ZNF395: variants seen among roughly 807,000 people sequenced by gnomAD.
The protein encoded by ZNF395 is zinc finger protein 395, also known as HD gene regulatory region-binding protein 2.
ZNF395 carries 20 observed loss-of-function variants against 57.7 expected under a neutral mutation model. That is an observed-to-expected ratio of 0.35 (90% CI 0.24 to 0.50). The LOEUF is 0.50. Ranked by LOEUF, ZNF395 falls within the 20% of genes least tolerant of loss-of-function variation. The probability of loss-of-function intolerance (pLI) is 0.97; values close to 1 mark genes in which losing one functional copy is unlikely to be tolerated. For synonymous variants in ZNF395, 295 were observed against 275.9 expected, an observed-to-expected ratio of 1.07 and a Z score of -0.69; for missense variants, 606 against 671.2, an observed-to-expected ratio of 0.90 and a Z score of 1.07.
In ZNF395 at chr8:28,356,294, G is replaced by T. The variant is rs558399630; in HGVS notation, c.583+376C>A. Among the ~76,000 whole-genome samples the T allele has an allele frequency of 9.2e-5, 14 of 152,254 alleles. No individual in the cohort carries two copies. The highest frequency in any genetic ancestry group is 6.8e-3 in the Middle Eastern group (2 of 294). ...TGGAATGAGGGCATGAATTTTCTGA[G>T]GCCACTAGGAGACCATTTAGCATAT... is the stretch of plus-strand genomic sequence containing the variant. On this transcript the variant is annotated intron_variant, in intron 4 of 9. Coordinates refer to ENST00000344423, the MANE Select transcript of ZNF395 (RefSeq NM_018660.3). This position sits in a 1 kb window ranked among gnomAD's most constrained non-coding sequence, Gnocchi z 4.0.
Position 28,346,975 on chromosome 8 carries a change from A to C in ZNF395, c.*1744T>G, listed in dbSNP as rs1159350249. 1 of 151,746 alleles carries C rather than the reference A, an allele frequency of 6.6e-6. No individual in the cohort carries two copies. The allele number at this position is 151,746 out of a possible 1,614,324, so 9.4% of individuals were successfully genotyped here. Reference sequence around the variant, plus strand: ...TTTTTTTACTAAGTTATAAAAAAAAAAACCCCATCACCAAAGACACCTGTG... The same window carrying C: ...TTTTTTTACTAAGTTATAAAAAAAACAACCCCATCACCAAAGACACCTGTG... On this transcript the variant is annotated 3_prime_UTR_variant, in exon 10 of 10. Transcript: ENST00000344423.
At chr8:28,380,277 T>C (rs1802093446) in intron 1 of ZNF395, among the ~76,000 whole-genome samples, 1 of 152,252 alleles carries the variant, frequency 6.6e-6, no homozygotes, top group South Asian at 2.1e-4. Flanking sequence ...CTCAAAACGC[T>C]ACAATTCAAA....
intron 1 of ZNF395, among the ~76,000 whole-genome samples, chr8:28,385,573 G>A (rs1285921362): frequency 3.3e-5 from 5 of 150,390 alleles, no homozygotes; most frequent in East Asian, 3.9e-4. Context: ...TGTCCCGCCC[G>A]TCCCGCAGCC....
intron 4 of ZNF395, among the ~76,000 whole-genome samples, chr8:28,354,128 A>G (rs947263815): frequency 6.6e-6 from 1 of 152,228 alleles, no homozygotes; most frequent in African/African-American, 2.4e-5. Flanking sequence ...AATTCTGGTC[A>G]TCGCAAGGTG....
At chr8:28,376,194 C>T (rs1434535457) in intron 1 of ZNF395, among the ~76,000 whole-genome samples, 1 of 151,580 alleles carries the variant, frequency 6.6e-6, no homozygotes, top group Non-Finnish European at 1.5e-5. Flanking sequence ...GGGCTGGTCT[C>T]GAACTGCTGG....
At chr8:28,365,260 G>A (rs1281884596) in intron 1 of ZNF395, 1 of 152,268 alleles carries the variant, frequency 6.6e-6, no homozygotes, top group Non-Finnish European at 1.5e-5. Flanking sequence ...TCTGCCAACA[G>A]GTGGGTCAAG....
chr8:28,360,762 G>A, intron 2 of ZNF395, 123 bp downstream of exon 2: 2 of 1,371,308 alleles, frequency 1.5e-6, no homozygotes, highest in Non-Finnish European at 1.9e-6. Flanking sequence ...CCCTGTGGCT[G>A]GAGGGCAAAG....
chr8:28,360,118 T>C (rs190095120), intron 2 of ZNF395, among the ~76,000 whole-genome samples: 6 of 152,356 alleles, frequency 3.9e-5, no homozygotes, highest in Non-Finnish European at 8.8e-5. Flanking sequence ...CATCCTGCCT[T>C]CCTTGACCCG....
intron 1 of ZNF395, among the ~76,000 whole-genome samples, chr8:28,375,048 C>T (rs1411782028): frequency 6.6e-6 from 1 of 152,186 alleles, no homozygotes; most frequent in Non-Finnish European, 1.5e-5. Flanking sequence ...AACAGACACG[C>T]ACCCCCTGCC....
intron 2 of ZNF395, among the ~76,000 whole-genome samples, chr8:28,360,116 C>T (rs558085642): frequency 6.6e-6 from 1 of 152,330 alleles, no homozygotes; most frequent in Non-Finnish European, 1.5e-5. Flanking sequence ...ATCATCCTGC[C>T]TTCCTTGACC....
At chr8:28,377,220 A>T (rs1042087459) in intron 1 of ZNF395, among the ~76,000 whole-genome samples, 2 of 152,234 alleles carry the variant, frequency 1.3e-5, no homozygotes, top group South Asian at 4.1e-4. Flanking sequence ...TATGTAAGCT[A>T]TAAGTAATAC....
intron 1 of ZNF395, among the ~76,000 whole-genome samples, chr8:28,383,625 A>G (rs75651030): frequency 0.02 from 3,111 of 152,152 alleles, 111 homozygotes; most frequent in African/African-American, 0.07. Flanking sequence ...GAACCGAGCA[A>G]TGTCATGTGA....
intron 7 of ZNF395, 133 bp from the exon 8 acceptor site, chr8:28,350,289 A>G (rs1281028243): frequency 1.4e-6 from 1 of 739,006 alleles, no homozygotes; most frequent in African/African-American, 1.8e-5. Flanking sequence ...AAGAGCTGGG[A>G]CACACTCGGC....
chr8:28,370,464 G>A (rs143083950), intron 1 of ZNF395, among the ~76,000 whole-genome samples: 2 of 152,182 alleles, frequency 1.3e-5, no homozygotes, highest in African/African-American at 2.4e-5. Context: ...AATGAGTTTC[G>A]AGACGAAAGA....
At chr8:28,372,922 GA>G (rs1408308733) in intron 1 of ZNF395, among the ~76,000 whole-genome samples, 12 of 152,180 alleles carry the variant, frequency 7.9e-5, no homozygotes, top group African/African-American at 2.7e-4. Flanking sequence ...GGCCCCAAGA[GA>G]ATCCGCCAAG....
chr8:28,357,900 A>T (rs950870367), intron 3 of ZNF395, among the ~76,000 whole-genome samples: 8 of 152,218 alleles, frequency 5.3e-5, no homozygotes, highest in Non-Finnish European at 1.0e-4. Flanking sequence ...TTTAAATCTT[A>T]AAAGATCAAT....
Position 28,381,334 on chromosome 8 carries a change from C to A in ZNF395, c.-59+5059G>T, listed in dbSNP as rs149266772. Among the ~76,000 whole-genome samples the A allele has an allele frequency of 4.5e-4, 69 of 152,112 alleles. No homozygotes were observed. The East Asian group carries it at 0.012, about 27-fold the overall frequency. ...GGGATAACAGGCGTGAGCCACCGCGCCCAGCCCCAGCTAGATTTTTTATCT... is the reference window on the plus strand; with the variant it reads ...GGGATAACAGGCGTGAGCCACCGCGACCAGCCCCAGCTAGATTTTTTATCT... On this transcript the variant is annotated intron_variant, in intron 1 of 9. Transcript: ENST00000344423.
Position 28,350,049 on chromosome 8 carries a change from T to C in ZNF395, c.1326+15A>G, listed in dbSNP as rs1801660808. On this transcript the variant is annotated intron_variant, in intron 8 of 9. Transcript: ENST00000344423. ...CGGCCATACGAGGCCCCAGCCGTGC[T>C]GCCCGCACACTCACCGGAGAGAGAG... 3 of 1,578,056 alleles carry C rather than the reference T, an allele frequency of 1.9e-6. No individual in the cohort carries two copies. Among genetic ancestry groups the C allele is most frequent in the Non-Finnish European group, 2.6e-6 (3 of 1,168,080 alleles).
At chr8:28,349,013 G>C in intron 9 of ZNF395, 112 bp downstream of exon 9, 1 of 1,205,400 alleles carries the variant, frequency 8.3e-7, no homozygotes, top group Non-Finnish European at 1.2e-6. Context: ...CGCCATCTGG[G>C]CTCCTCTCTG....
Sources: allele counts gnomAD v4.1 joint callset (sites outside exome capture counted in the v4.1 genomes callset), GRCh38; gene constraint gnomAD v4.1.1; non-coding constraint Gnocchi (gnomAD v3.1); transcripts MANE v1.5; gene names NCBI Gene and HGNC (gene_info 2026-07-23, HGNC 2026-07-21).